ARHGAP12: variants seen among roughly 807,000 people sequenced by gnomAD.
ARHGAP12 encodes Rho GTPase activating protein 12.
ARHGAP12 carries 64 observed loss-of-function variants against 108.6 expected under a neutral mutation model. That is an observed-to-expected ratio of 0.59 (90% CI 0.48 to 0.73). The LOEUF (loss-of-function observed/expected upper bound fraction) is 0.73. Among genes scored for constraint, ARHGAP12 ranks in the 30% least tolerant of loss-of-function variants. The pLI is 0.00. For synonymous variants in ARHGAP12, 312 were observed against 337.2 expected (o/e 0.93, Z 0.82); for missense variants, 940 against 1,005.9 (o/e 0.93, Z 0.89).
chr10:31,813,195 T>C (rs1247658056), intron 14 of ARHGAP12, among the ~76,000 whole-genome samples: 1 of 152,014 alleles, frequency 6.6e-6, no homozygotes, highest in Non-Finnish European at 1.5e-5. Flanking sequence ...CACCAAAAAG[T>C]AAAAATACAT....
intron 3 of ARHGAP12, among the ~76,000 whole-genome samples, chr10:31,877,364 T>G: frequency 6.6e-6 from 1 of 152,216 alleles, no homozygotes; most frequent in East Asian, 1.9e-4. Flanking sequence ...ACTATACTAT[T>G]ATAAAGTATC....
At chr10:31,867,117 T>G (rs1237955680) in intron 3 of ARHGAP12, among the ~76,000 whole-genome samples, 1 of 150,014 alleles carries the variant, frequency 6.7e-6, no homozygotes, top group African/African-American at 2.5e-5. Context: ...TTCTTTTTTT[T>G]GTTTTTTTTT....
At chr10:31,882,820 G>GAA (rs60532023) in intron 3 of ARHGAP12, among the ~76,000 whole-genome samples, 11 of 130,264 alleles carry the variant, frequency 8.4e-5, no homozygotes, top group South Asian at 2.5e-4. Flanking sequence ...CTCTTAAAAA[G>GAA]AAAAAAAAAA....
At chr10:31,853,667 T>C (rs1000947489) in intron 5 of ARHGAP12, among the ~76,000 whole-genome samples, 1 of 152,228 alleles carries the variant, frequency 6.6e-6, no homozygotes, top group African/African-American at 2.4e-5. Flanking sequence ...TTGATGGTTT[T>C]TGTTTTACAT....
intron 1 of ARHGAP12, among the ~76,000 whole-genome samples, chr10:31,912,541 C>T (rs1839396369): frequency 2.0e-5 from 3 of 152,138 alleles, no homozygotes; most frequent in African/African-American, 4.8e-5. Context: ...TAAAGCAAGT[C>T]GGTTTTACTA....
chr10:31,902,075 TA>T (rs1838950161), intron 3 of ARHGAP12, among the ~76,000 whole-genome samples: 2 of 152,140 alleles, frequency 1.3e-5, no homozygotes, highest in African/African-American at 4.8e-5. Flanking sequence ...CCACAATAGC[TA>T]AAACAATTCT....
chr10:31,915,639 T>C (rs536329400), intron 1 of ARHGAP12, among the ~76,000 whole-genome samples: 151 of 152,276 alleles, frequency 9.9e-4, no homozygotes, highest in African/African-American at 3.3e-3. Context: ...CATTTGTAAA[T>C]TAGCTAAATT....
At chr10:31,862,803 G>C (rs1837179449) in intron 3 of ARHGAP12, among the ~76,000 whole-genome samples, 1 of 151,860 alleles carries the variant, frequency 6.6e-6, no homozygotes, top group Non-Finnish European at 1.5e-5. Context: ...ATGTCCCTTG[G>C]GGGCAAAACT....
chr10:31,830,065 CAT>C (rs1432715295), intron 10 of ARHGAP12, among the ~76,000 whole-genome samples: 7 of 152,132 alleles, frequency 4.6e-5, no homozygotes, highest in East Asian at 3.9e-4. Flanking sequence ...TCTTAGAAAA[CAT>C]AGTTTTTCTT....
intron 9 of ARHGAP12, among the ~76,000 whole-genome samples, chr10:31,834,835 G>C (rs1425557913): frequency 6.6e-6 from 1 of 152,110 alleles, no homozygotes; most frequent in Non-Finnish European, 1.5e-5. Context: ...AAATATCTAA[G>C]TTTTTGAATT....
chr10:31,816,529 G>A (rs1197259845), intron 13 of ARHGAP12, among the ~76,000 whole-genome samples: 1 of 152,102 alleles, frequency 6.6e-6, no homozygotes, highest in Non-Finnish European at 1.5e-5. Flanking sequence ...TTAAATGAAT[G>A]CATGCATACT....
At chr10:31,906,813 T>C (rs1251908770) in intron 3 of ARHGAP12, among the ~76,000 whole-genome samples, 1 of 152,132 alleles carries the variant, frequency 6.6e-6, no homozygotes, top group Non-Finnish European at 1.5e-5. Flanking sequence ...TAATTTGAAG[T>C]GTGAAATTGT....
intron 6 of ARHGAP12, among the ~76,000 whole-genome samples, chr10:31,845,235 ACT>A (rs1433205627): frequency 1.3e-5 from 2 of 152,152 alleles, no homozygotes; most frequent in East Asian, 3.8e-4. Flanking sequence ...ACTTTGCTGA[ACT>A]CTCATCAGTT....
Position 31,860,851 on chromosome 10 carries a change from C to A in ARHGAP12, c.948+544G>T, listed in dbSNP as rs138000312. Among the ~76,000 whole-genome samples the A allele has an allele frequency of 9.9e-4, 150 of 152,240 alleles. 1 individual carries two copies. Among genetic ancestry groups the A allele is most frequent in the Non-Finnish European group, 1.9e-3 (127 of 68,010 alleles). ...ATCCTAGCACTTTGGGAGGCTGAGA[C>A]AGGGGGACTGCTTGAAGTCAGGCGG... On this transcript the variant is annotated intron_variant, in intron 4 of 19. Transcript: ENST00000344936.
chr10:31,813,252 G>A (rs1592242739), intron 14 of ARHGAP12, among the ~76,000 whole-genome samples: 1 of 151,798 alleles, frequency 6.6e-6, no homozygotes, highest in Non-Finnish European at 1.5e-5. Context: ...TAAGAAAACT[G>A]GATATACACA....
rs539693262 is a variant in ARHGAP12 at position 31,848,131 on chromosome 10, T to C, written c.1170+4386A>G. 2.6e-5 allele frequency among the ~76,000 whole-genome samples: 4 copies of C among 152,296 alleles called. No homozygotes were observed. In the East Asian group the frequency reaches 7.7e-4, roughly 29 times the overall value. On this transcript the variant is annotated intron_variant, in intron 6 of 19. Coordinates refer to ENST00000344936, the MANE Select transcript of ARHGAP12 (RefSeq NM_018287.7). ...CCATTTCAATACTCTCCTTGTGTCATATTTGTTCATATCCCAGTGAAAGCA... is the reference window on the plus strand; with the variant it reads ...CCATTTCAATACTCTCCTTGTGTCACATTTGTTCATATCCCAGTGAAAGCA...
At chr10:31,843,937 T>C (rs746824270) in intron 6 of ARHGAP12, among the ~76,000 whole-genome samples, 2 of 152,116 alleles carry the variant, frequency 1.3e-5, no homozygotes, top group Non-Finnish European at 2.9e-5. Flanking sequence ...ATTAAAAGAG[T>C]AGTATATTAT....
At chr10:31,912,377 GT>G (rs1839388506) in intron 1 of ARHGAP12, among the ~76,000 whole-genome samples, 1 of 152,138 alleles carries the variant, frequency 6.6e-6, no homozygotes, top group East Asian at 1.9e-4. Context: ...GAGCTGTACG[GT>G]TTCACACTAG....
At chr10:31,811,201 G>A (rs768800848) in intron 15 of ARHGAP12, among the ~76,000 whole-genome samples, 71 of 152,258 alleles carry the variant, frequency 4.7e-4, no homozygotes, top group African/African-American at 1.4e-3. Context: ...TCATGAGGGA[G>A]AGGACCAAGG....
Sources: gnomAD v4.1 joint callset for allele counts (sites outside exome capture counted in the v4.1 genomes callset) on GRCh38, gnomAD v4.1.1 for gene constraint, MANE v1.5 for transcripts, NCBI Gene and HGNC (gene_info 2026-07-23, HGNC 2026-07-21) for gene names.